The following ESD variants were observed in gnomAD, a reference collection of about 807,000 sequenced individuals.
ESD encodes esterase D, also known as S-formylglutathione hydrolase.
Under a neutral mutation model 38.1 loss-of-function variants are expected in ESD, and 34 were observed. The observed-to-expected ratio is 0.89, with a 90% confidence interval of 0.68 to 1.19. The LOEUF is 1.19. Ranked by LOEUF, ESD falls within the 50% of genes most tolerant of loss-of-function variation. The pLI is 0.00. For missense variants in ESD, 334 were observed against 327.2 expected (o/e 1.02, Z -0.16); for synonymous variants, 97 against 107.0 (o/e 0.91, Z 0.58).
At chr13:46,778,364 T>G (rs1040414386) in intron 8 of ESD, among the ~76,000 whole-genome samples, 8 of 151,894 alleles carry the variant, frequency 5.3e-5, no homozygotes, top group African/African-American at 1.9e-4. Flanking sequence ...CTTTTGAAGG[T>G]TCTATTTCCT....
chr13:46,787,106 A>G lies in ESD; in HGVS notation c.72T>C (p.Val24=). 6.5e-7 allele frequency: 1 copy of G among 1,546,874 alleles called. No individual in the cohort carries two copies. Among genetic ancestry groups the G allele is most frequent in the Non-Finnish European group, 8.8e-7 (1 of 1,140,714 alleles). ...CAAATTTCATTTTGCAGTTTAGTTC[A>G]ACACTAGTTTTAACAAAAACAACAA... The part of the protein sequence containing the change: ...GLQKVFEHDS[V]ELNCKMKFAV... Residue 24 remains valine, a synonymous_variant, in exon 4 of 10, where the codon GTT becomes GTC. Transcript: ENST00000378720.
chr13:46,781,594 T>G lies in ESD; in HGVS notation c.403A>C (p.Asn135His), dbSNP rs1425816357. ...TEELPQLINA[N>H]FPVDPQRMSI... ...ATCCTTTGGGGATCCACTGGAAAATTGGCATTTATGAGTTGGGGAAGCTAG... is the reference window on the plus strand; with the variant it reads ...ATCCTTTGGGGATCCACTGGAAAATGGGCATTTATGAGTTGGGGAAGCTAG... The change falls in exon 7 of 10, where the codon AAT (asparagine) becomes CAT (histidine). Residue 135 changes from asparagine (N) to histidine (H), a missense_variant. Coordinates refer to ENST00000378720, the MANE Select transcript of ESD (RefSeq NM_001984.2). 6.2e-7 allele frequency: 1 copy of G among 1,608,346 alleles called. No homozygotes were observed. Among genetic ancestry groups the G allele is most frequent in the Non-Finnish European group, 8.5e-7 (1 of 1,176,030 alleles).
chr13:46,796,470 C>G (rs1286294598), intron 1 of ESD, among the ~76,000 whole-genome samples: 3 of 152,256 alleles, frequency 2.0e-5, no homozygotes, highest in African/African-American at 7.2e-5. Flanking sequence ...TGAATGCCCT[C>G]TCCTTCCAGG....
At chr13:46,779,325 A>G (rs1874914442) in intron 8 of ESD, among the ~76,000 whole-genome samples, 1 of 151,746 alleles carries the variant, frequency 6.6e-6, no homozygotes, top group African/African-American at 2.4e-5. Flanking sequence ...TGCTTCTATT[A>G]CACAACTGAG....
intron 4 of ESD, chr13:46,785,595 C>T (rs1398348003): frequency 6.6e-6 from 1 of 151,820 alleles, no homozygotes. Flanking sequence ...GGAAGTAAAC[C>T]TTCTGAAATT....
At chr13:46,790,535 A>G (rs1875360191) in intron 3 of ESD, 1 of 152,180 alleles carries the variant, frequency 6.6e-6, no homozygotes, top group Non-Finnish European at 1.5e-5. Flanking sequence ...CAGTATCACA[A>G]TCCCACTAAT....
In ESD at chr13:46,784,246, A is replaced by G. The variant is rs763596145; in HGVS notation, c.256+6T>C. ...TACAAAGGATATCTAGACCACAAAC[A>G]CTTACGAGGGCTGGTATCTGGAGCA... On this transcript the variant is annotated splice_donor_region_variant and intron_variant, in intron 5 of 9. Transcript: ENST00000378720. 6.2e-7 allele frequency: 1 copy of G among 1,606,844 alleles called. No homozygotes were observed. Among genetic ancestry groups the G allele is most frequent in the Non-Finnish European group, 8.5e-7 (1 of 1,174,566 alleles).
At chr13:46,787,648 G>A (rs1875241487) in intron 3 of ESD, among the ~76,000 whole-genome samples, 1 of 151,598 alleles carries the variant, frequency 6.6e-6, no homozygotes, top group Non-Finnish European at 1.5e-5. Context: ...ATCTCTCATG[G>A]GTTTATTTAA....
chr13:46,790,225 T>G (rs1219647848), intron 3 of ESD, among the ~76,000 whole-genome samples: 1 of 152,122 alleles, frequency 6.6e-6, no homozygotes, highest in Non-Finnish European at 1.5e-5. Context: ...GAAGTTCATA[T>G]CAAATTAAAG....
intron 4 of ESD, among the ~76,000 whole-genome samples, chr13:46,786,449 T>C (rs1005987899): frequency 3.9e-5 from 6 of 152,012 alleles, no homozygotes; most frequent in Non-Finnish European, 8.8e-5. Flanking sequence ...AAAGTTAGCA[T>C]AGAGGTTTCA....
intron 9 of ESD, among the ~76,000 whole-genome samples, chr13:46,772,799 C>T (rs1956995305): frequency 1.3e-5 from 2 of 152,162 alleles, no homozygotes; most frequent in South Asian, 2.1e-4. Flanking sequence ...ATTCTCCTGC[C>T]TCAGCCTCCC....
intron 9 of ESD, among the ~76,000 whole-genome samples, chr13:46,774,250 G>C (rs1874709300): frequency 6.6e-6 from 1 of 152,114 alleles, no homozygotes. Context: ...GTTCCATAAT[G>C]ATAAAGATTC....
At chr13:46,772,869 A>T (rs1272410779) in intron 9 of ESD, among the ~76,000 whole-genome samples, 2 of 152,104 alleles carry the variant, frequency 1.3e-5, no homozygotes, top group East Asian at 3.9e-4. Flanking sequence ...TATTTTTAGT[A>T]GAGACGGGGT....
chr13:46,773,538 T>C (rs1020120728), intron 9 of ESD, among the ~76,000 whole-genome samples: 9 of 152,128 alleles, frequency 5.9e-5, no homozygotes, highest in African/African-American at 1.9e-4. Context: ...ACCTAAGAAA[T>C]AAAAATAGAG....
At chr13:46,783,719 T>G (rs1875092049) in intron 5 of ESD, among the ~76,000 whole-genome samples, 1 of 151,950 alleles carries the variant, frequency 6.6e-6, no homozygotes, top group African/African-American at 2.4e-5. Context: ...TAAATTCCAT[T>G]TCCTGAAACT....
chr13:46,783,666 C>A (rs1478885853), intron 5 of ESD, among the ~76,000 whole-genome samples: 1 of 151,864 alleles, frequency 6.6e-6, no homozygotes, highest in Non-Finnish European at 1.5e-5. Context: ...AAATATACTA[C>A]TTGCCAGGCC....
intron 7 of ESD, among the ~76,000 whole-genome samples, chr13:46,780,955 C>T (rs1399173555): frequency 3.3e-5 from 5 of 151,622 alleles, no homozygotes; most frequent in Admixed American, 1.3e-4. Flanking sequence ...CTGTTCTGCA[C>T]AGTATGACAT....
chr13:46,785,993 G>A (rs1875182256), intron 4 of ESD, among the ~76,000 whole-genome samples: 1 of 151,984 alleles, frequency 6.6e-6, no homozygotes, highest in East Asian at 1.9e-4. Flanking sequence ...ATTAGCGTGT[G>A]ACCCTGGACA....
chr13:46,779,705 T>TTTTA (rs1555293069), intron 8 of ESD, among the ~76,000 whole-genome samples: 1 of 143,410 alleles, frequency 7.0e-6, no homozygotes, highest in African/African-American at 2.5e-5. Flanking sequence ...TTTTGTTGAT[T>TTTTA]TATATATATA....
Sources: gnomAD v4.1 joint callset for allele counts (sites outside exome capture counted in the v4.1 genomes callset) on GRCh38, gnomAD v4.1.1 for gene constraint, MANE v1.5 for transcripts, NCBI Gene and HGNC (gene_info 2026-07-23, HGNC 2026-07-21) for gene names.